RNF17: variants seen among roughly 807,000 people sequenced by gnomAD.
The protein encoded by RNF17 is spermatogenesis associated 23.
A neutral mutation model predicts 200.5 loss-of-function variants in RNF17; 31 were observed. The ratio of observed to expected loss-of-function variants is 0.15; its 90% CI spans 0.12 to 0.21. The LOEUF (loss-of-function observed/expected upper bound fraction) is 0.21, where lower values mean the gene tolerates loss of function less well. Among genes scored for constraint, RNF17 ranks in the 10% least tolerant of loss-of-function variants. The probability of loss-of-function intolerance (pLI) is 1.00; values close to 1 mark genes in which losing one functional copy is unlikely to be tolerated. For synonymous variants in RNF17, 606 were observed against 637.8 expected (o/e 0.95, Z 0.75); for missense variants, 1,628 against 1,905.1 (o/e 0.85, Z 2.71).
chr13:24,879,243 T>C lies in RNF17; in HGVS notation c.4830T>C (p.His1610=), dbSNP rs931263266. The change falls in exon 35 of 36, where the codon CAT becomes CAC. Residue 1610 remains histidine, a synonymous_variant. Transcript: ENST00000255324. ...TLYDDEQHPV[H]MPLVEMGLAD... is the part of the protein sequence containing the mutation. ...ATGACGATGAACAGCATCCAGTTCA[T>C]ATGCCGTTGGTAGAAATGGGGCTTG... 47 of 1,613,836 alleles carry C rather than the reference T, an allele frequency of 2.9e-5. No individual in the cohort carries two copies. Among genetic ancestry groups the C allele is most frequent in the Non-Finnish European group, 3.9e-5 (46 of 1,179,744 alleles).
At chr13:24,758,341 C>T in the RNF17 span, among the ~76,000 whole-genome samples, 19,029 of 152,100 alleles carry the variant, frequency 0.13, 1,356 homozygotes, top group Non-Finnish European at 0.16. Context: ...TTGTTCCATG[C>T]GTTATCATGC....
At chr13:24,885,451 T>C in the RNF17 span, 489 of 1,238,410 alleles carry the variant, frequency 3.9e-4, 5 homozygotes, top group East Asian at 9.5e-3. Flanking sequence ...GATTCTGATA[T>C]AGGGTTCTAG....
Position 24,855,835 on chromosome 13 carries a change from C to T in RNF17, c.3610+1691C>T, listed in dbSNP as rs117520202. On this transcript the variant is annotated intron_variant, in intron 25 of 35. Coordinates refer to ENST00000255324, the MANE Select transcript of RNF17 (RefSeq NM_031277.3). Reference sequence around the variant, plus strand: ...TCACTATGGCTTTAGTTAGCATTTCCTTGACTTCTTATGGCGTAAACATCA... The same window carrying T: ...TCACTATGGCTTTAGTTAGCATTTCTTTGACTTCTTATGGCGTAAACATCA... 4.9e-3 allele frequency among the ~76,000 whole-genome samples: 748 copies of T among 152,268 alleles called. 3 individuals carry two copies. Among genetic ancestry groups the T allele is most frequent in the Non-Finnish European group, 7.2e-3 (492 of 68,026 alleles).
intron 31 of RNF17, among the ~76,000 whole-genome samples, chr13:24,869,934 ATTTTTT>A (rs34196797): frequency 6.0e-5 from 5 of 83,754 alleles, no homozygotes; most frequent in Non-Finnish European, 8.7e-5. Flanking sequence ...TGCCCAGCTA[ATTTTTT>A]TTTTTTTTTT....
intron 17 of RNF17, among the ~76,000 whole-genome samples, chr13:24,831,196 T>A (rs1353300737): frequency 6.8e-6 from 1 of 147,224 alleles, no homozygotes; most frequent in African/African-American, 2.5e-5. Flanking sequence ...ATCCCAGAAC[T>A]TTGGGAGGCC....
chr13:24,787,949 A>G, intron 6 of RNF17, 39 bp from the exon 7 acceptor site: 1 of 1,463,778 alleles, frequency 6.8e-7, no homozygotes, highest in Non-Finnish European at 9.1e-7. Context: ...ATAAATATTT[A>G]TGAAATACTG....
chr13:24,841,963 C>G, intron 18 of RNF17, 78 bp from the exon 19 acceptor site: 1 of 1,320,610 alleles, frequency 7.6e-7, no homozygotes, highest in Non-Finnish European at 1.0e-6. Flanking sequence ...GAGACTCTGT[C>G]TCCAAAAAAA....
At chr13:24,749,303 C>CTTTCT in the RNF17 span, among the ~76,000 whole-genome samples, 13 of 31,972 alleles carry the variant, frequency 4.1e-4, 2 homozygotes, top group Admixed American at 2.3e-3. Context: ...TTCTTTCTTT[C>CTTTCT]TTTCTTTTTT....
chr13:24,880,642 T>C (rs1208010081), downstream of RNF17, among the ~76,000 whole-genome samples: 3 of 152,242 alleles, frequency 2.0e-5, no homozygotes, highest in African/African-American at 7.2e-5. Context: ...ATCCTGATAT[T>C]CCATTACCAG....
chr13:24,818,302 A>G (rs79111285), intron 15 of RNF17, among the ~76,000 whole-genome samples: 6,658 of 152,194 alleles, frequency 0.044, 457 homozygotes, highest in African/African-American at 0.15. Context: ...CATATGGTCT[A>G]TTCTGAGAAT....
In RNF17 at chr13:24,868,582, T is replaced by A. The variant is rs181083247; in HGVS notation, c.4162-18T>A. ...TTTGTCCTTATTCTGAAATTTGAAT[T>A]TTTCTGTGGTGTTTTAGGAATTGCT... On this transcript the variant is annotated intron_variant, in intron 30 of 35. Transcript: ENST00000255324. 4.2e-5 allele frequency: 57 copies of A among 1,349,856 alleles called. No individual in the cohort carries two copies. The African/African-American group carries it at 7.9e-4, about 19-fold the overall frequency. 83.6% of individuals were successfully genotyped at this position (1,349,856 alleles called of 1,614,324 possible).
upstream of RNF17, among the ~76,000 whole-genome samples, chr13:24,762,941 T>C (rs1030145047): frequency 6.6e-6 from 1 of 152,222 alleles, no homozygotes; most frequent in Non-Finnish European, 1.5e-5. Flanking sequence ...AGGAAACTCA[T>C]ACTCTGGCTA....
At chr13:24,749,680 T>C in the RNF17 span, among the ~76,000 whole-genome samples, 119 of 152,264 alleles carry the variant, frequency 7.8e-4, no homozygotes, top group Middle Eastern at 0.01. Context: ...CAAAAGCTAA[T>C]GGCCAGACAA....
At chr13:24,827,719 A>AAAAAAAAAAAAAAAAG (rs1888876096) in intron 16 of RNF17, among the ~76,000 whole-genome samples, 1 of 44,762 alleles carries the variant, frequency 2.2e-5, no homozygotes, top group African/African-American at 1.2e-4. Context: ...AAAAAAAAAC[A>AAAAAAAAAAAAAAAAG]AAAAAAAAAA....
At chr13:24,774,740 A>G (rs753363065) in intron 2 of RNF17, 73 bp from the exon 3 acceptor site, 15 of 828,376 alleles carry the variant, frequency 1.8e-5, no homozygotes, top group Non-Finnish European at 2.8e-5. Flanking sequence ...GCACACTTAA[A>G]TAGTTGTTTA....
At chr13:24,880,971 T>C (rs1953797408), downstream of RNF17, among the ~76,000 whole-genome samples, 2 of 152,124 alleles carry the variant, frequency 1.3e-5, no homozygotes, top group African/African-American at 4.8e-5. Flanking sequence ...CCGTCACTTG[T>C]TTATTGCTTG....
intron 17 of RNF17, 37 bp from the exon 18 acceptor site, chr13:24,831,821 A>C (rs1402607429): frequency 6.4e-7 from 1 of 1,569,758 alleles, no homozygotes; most frequent in East Asian, 2.3e-5. Context: ...GTAGAAATTA[A>C]ATTTTTTTCT....
intron 18 of RNF17, among the ~76,000 whole-genome samples, chr13:24,837,744 A>G (rs1225956546): frequency 6.6e-6 from 1 of 152,198 alleles, no homozygotes; most frequent in Non-Finnish European, 1.5e-5. Flanking sequence ...AAAAGACTGA[A>G]ACAGCATAAA....
chr13:24,781,701 C>T, intron 5 of RNF17, 143 bp from the exon 6 acceptor site: 2 of 594,584 alleles, frequency 3.4e-6, no homozygotes, highest in Non-Finnish European at 5.8e-6. Flanking sequence ...AACCTTGTGA[C>T]TTATTCTATT....
Sources: gnomAD v4.1 joint callset for allele counts (sites outside exome capture counted in the v4.1 genomes callset) on GRCh38, gnomAD v4.1.1 for gene constraint, MANE v1.5 for transcripts, NCBI Gene and HGNC (gene_info 2026-07-23, HGNC 2026-07-21) for gene names.